The following NDUFC1 variants were observed in gnomAD, a reference collection of about 807,000 sequenced individuals.
NDUFC1 encodes the protein NADH dehydrogenase [ubiquinone] 1 subunit C1, mitochondrial.
A neutral mutation model predicts 11.6 loss-of-function variants in NDUFC1; 11 were observed. The observed-to-expected ratio is 0.95, with a 90% CI of 0.60 to 1.58. NDUFC1 has a LOEUF of 1.58. Ranked by LOEUF, NDUFC1 falls within the 40% of genes most tolerant of loss-of-function variation. NDUFC1 has a pLI of 0.00. For synonymous variants in NDUFC1, 52 were observed against 42.2 expected (o/e 1.23, Z -0.90); for missense variants, 112 against 93.0 (o/e 1.20, Z -0.84).
chr4:139,293,920 T>C (rs1042865110), intron 4 of NDUFC1, among the ~76,000 whole-genome samples: 5 of 147,346 alleles, frequency 3.4e-5, no homozygotes, highest in Non-Finnish European at 5.9e-5. Context: ...GTGTAAAGCA[T>C]GTGGTGTGAA....
rs1394828288 is a variant in NDUFC1, at chr4:139,295,809, C to G, written c.-11G>C. ...GGCGGACGGCGCCATCTTGCGTGGCCCAGCTCAGTCTCTCCGAGTTGGCAA... is the reference window on the plus strand; with the variant it reads ...GGCGGACGGCGCCATCTTGCGTGGCGCAGCTCAGTCTCTCCGAGTTGGCAA... On this transcript the variant is annotated 5_prime_UTR_variant, in exon 3 of 6. Transcript: ENST00000394223. The G allele has an allele frequency of 2.1e-5, 32 of 1,543,018 alleles. No homozygotes were observed. The highest frequency in any genetic ancestry group is 2.8e-5 in the Non-Finnish European group (32 of 1,144,678).
At chr4:139,294,377 T>C (rs991806936) in intron 4 of NDUFC1, among the ~76,000 whole-genome samples, 1 of 152,178 alleles carries the variant, frequency 6.6e-6, no homozygotes, top group African/African-American at 2.4e-5. Context: ...GGTTTGTCCT[T>C]ACAGCATCTG....
At chr4:139,301,898 C>G in intron 1 of NDUFC1, 1 of 1,512,198 alleles carries the variant, frequency 6.6e-7, no homozygotes, top group Non-Finnish European at 9.0e-7. Context: ...TCACCCCTAA[C>G]CTCGGCCCGG....
intron 5 of NDUFC1, among the ~76,000 whole-genome samples, chr4:139,291,558 C>T (rs764652904): frequency 7.9e-5 from 12 of 151,602 alleles, no homozygotes; most frequent in Non-Finnish European, 1.5e-4. Context: ...CTGGTGGCTC[C>T]GTCTCAAAAA....
intron 5 of NDUFC1, among the ~76,000 whole-genome samples, chr4:139,290,861 C>T (rs1745181859): frequency 6.6e-6 from 1 of 151,654 alleles, no homozygotes; most frequent in African/African-American, 2.4e-5. Context: ...AGTGCAGTAG[C>T]CCAATATTGG....
chr4:139,299,404 A>C (rs6833101), intron 1 of NDUFC1, among the ~76,000 whole-genome samples: 39,981 of 151,846 alleles, frequency 0.26, 5,525 homozygotes, highest in African/African-American at 0.35. Flanking sequence ...AAATGATTTT[A>C]TTTCTTTCTT....
At chr4:139,297,984 C>G (rs562965838) in intron 1 of NDUFC1, among the ~76,000 whole-genome samples, 2 of 151,798 alleles carry the variant, frequency 1.3e-5, no homozygotes, top group African/African-American at 4.8e-5. Flanking sequence ...GTTGGAAGAT[C>G]GCTTGGACCT....
intron 5 of NDUFC1, 58 bp downstream of exon 5, chr4:139,292,471 TA>T: frequency 3.8e-6 from 3 of 794,176 alleles, no homozygotes; most frequent in South Asian, 2.2e-5. Flanking sequence ...TTTCAGTATT[TA>T]AAAAAGAGGT....
Position 139,291,841 on chromosome 4 carries a change from CT to C in NDUFC1, c.*20+688del, listed in dbSNP as rs900466081. ...AAAATAATATGATTTTGGGTTCATT[CT>C]TTTTTTTTTTTTGAGAAGGAGTCTC... On this transcript the variant is annotated intron_variant, in intron 5 of 5. Transcript: ENST00000394223. Among the ~76,000 whole-genome samples, 256 of 144,074 alleles carry C rather than the reference CT, an allele frequency of 1.8e-3. 1 individual carries two copies. Among genetic ancestry groups the C allele is most frequent in the Middle Eastern group, 3.6e-3 (1 of 274 alleles). 94.5% of individuals were successfully genotyped at this position (144,074 alleles called of 152,430 possible). A position where few individuals can be genotyped will look rare whatever the true frequency, so the allele number is the denominator to read the frequency against.
chr4:139,292,758 T>C, intron 4 of NDUFC1, 149 bp from the exon 5 acceptor site: 1 of 377,260 alleles, frequency 2.7e-6, no homozygotes, highest in Non-Finnish European at 4.7e-6. Flanking sequence ...AGGAATGGTA[T>C]AAACTTGCTC....
intron 1 of NDUFC1, chr4:139,300,601 C>A (rs561070435): frequency 2.6e-5 from 4 of 152,264 alleles, no homozygotes; most frequent in Non-Finnish European, 2.9e-5. Context: ...AAATGACTTA[C>A]ATTTTTGGAA....
chr4:139,297,705 C>CA (rs756569230), intron 1 of NDUFC1, among the ~76,000 whole-genome samples: 13 of 151,920 alleles, frequency 8.6e-5, no homozygotes, highest in Non-Finnish European at 1.8e-4. Context: ...GTATAAAATG[C>CA]AAAAAACAAA....
At chr4:139,294,969 T>G in intron 4 of NDUFC1, 74 bp downstream of exon 4, 1 of 1,096,684 alleles carries the variant, frequency 9.1e-7, no homozygotes, top group Non-Finnish European at 1.4e-6. Context: ...ACAGCACCAT[T>G]CAATCTCGCA....
chr4:139,296,700 C>T (rs918934932), intron 2 of NDUFC1, among the ~76,000 whole-genome samples: 1 of 152,190 alleles, frequency 6.6e-6, no homozygotes, highest in African/African-American at 2.4e-5. Flanking sequence ...AGACATCGTT[C>T]TGAGGAATAG....
intron 4 of NDUFC1, among the ~76,000 whole-genome samples, chr4:139,294,479 G>C (rs1745368817): frequency 6.6e-6 from 1 of 151,772 alleles, no homozygotes; most frequent in African/African-American, 2.4e-5. Flanking sequence ...GCTCACGCCT[G>C]TAATCAGAAC....
At chr4:139,292,342 C>A (rs1198082135) in intron 5 of NDUFC1, among the ~76,000 whole-genome samples, 188 bp downstream of exon 5, 7 of 151,458 alleles carry the variant, frequency 4.6e-5, no homozygotes, top group African/African-American at 1.7e-4. Flanking sequence ...AAACCCCATC[C>A]CCCCCAAAAC....
At chr4:139,301,880 C>G in intron 1 of NDUFC1, 1 of 1,547,788 alleles carries the variant, frequency 6.5e-7, no homozygotes, top group Non-Finnish European at 8.8e-7. Flanking sequence ...AGCCGGTAAC[C>G]GGGCCTGTCA....
intron 1 of NDUFC1, chr4:139,301,212 C>G: frequency 3.9e-6 from 1 of 255,190 alleles, no homozygotes; most frequent in East Asian, 7.3e-5. Context: ...GAGACTCTTT[C>G]CAAGGAATGA....
chr4:139,293,976 G>A (rs1252098814), intron 4 of NDUFC1, among the ~76,000 whole-genome samples: 1 of 109,740 alleles, frequency 9.1e-6, no homozygotes, highest in African/African-American at 3.6e-5. Context: ...GAGTCTCGCT[G>A]TATCTCCCAG....
Sources: allele counts gnomAD v4.1 joint callset (sites outside exome capture counted in the v4.1 genomes callset), GRCh38; gene constraint gnomAD v4.1.1; transcripts MANE v1.5; gene names NCBI Gene and HGNC (gene_info 2026-07-23, HGNC 2026-07-21).